ABCA6: variants seen among roughly 807,000 people sequenced by gnomAD.
The protein encoded by ABCA6 is ATP binding cassette subfamily A member 6.
In ABCA6, 164 loss-of-function variants were observed where a neutral mutation model predicts 191.2. The ratio of observed to expected loss-of-function variants is 0.86; its 90% CI spans 0.76 to 0.98. The LOEUF (loss-of-function observed/expected upper bound fraction) is 0.98. ABCA6 is among the 50% of genes least tolerant of loss of function. ABCA6 has a pLI of 0.00. For synonymous variants in ABCA6, 636 were observed against 647.7 expected (o/e 0.98, Z 0.27); for missense variants, 1,958 against 1,894.1 (o/e 1.03, Z -0.63).
In ABCA6 at chr17:69,086,691, G is replaced by A. The variant is rs934813311; in HGVS notation, c.3864C>T (p.Gly1288=). The A allele has an allele frequency of 6.2e-7, 1 of 1,611,932 alleles. No homozygotes were observed. The highest frequency in any genetic ancestry group is 1.7e-5 in the Admixed American group (1 of 59,912). ...IASCLHKEYA[G]QKKSCFSKRK... is the part of the protein sequence containing the mutation. The stretch of plus-strand genomic sequence containing the variant: ...TCTTTGAAAAGCAACTTTTCTTCTG[G>A]CCTGCATATTCTTTGTGTAGACAGC... The change falls in exon 30 of 39, where the codon GGC becomes GGT. Residue 1288 remains glycine, a synonymous_variant. Transcript: ENST00000284425.
At chr17:69,084,212 A>C in intron 34 of ABCA6, 49 bp downstream of exon 34, 1 of 1,561,794 alleles carries the variant, frequency 6.4e-7, no homozygotes, top group South Asian at 1.1e-5. Flanking sequence ...AAAATATGCA[A>C]CCTTCCCTAA....
chr17:69,097,074 T>TA (rs1191492985), intron 23 of ABCA6, among the ~76,000 whole-genome samples: 1 of 152,164 alleles, frequency 6.6e-6, no homozygotes, highest in African/African-American at 2.4e-5. Flanking sequence ...GTGGACCTCA[T>TA]AATGTTCAAG....
intron 11 of ABCA6, 21 bp from the exon 12 acceptor site, chr17:69,115,507 T>C: frequency 6.3e-7 from 1 of 1,577,046 alleles, no homozygotes; most frequent in South Asian, 1.1e-5. Flanking sequence ...AACAAATTGT[T>C]AACAAATTAT....
rs560409942 is a variant in ABCA6, at chr17:69,100,546, T to C, written c.3012+251A>G. ...TCTCATACACTTCCACAATCAAGTA[T>C]GTACAACTTTTCAAAACATTGCCTA... On this transcript the variant is annotated intron_variant, in intron 22 of 38. Coordinates refer to ENST00000284425, the MANE Select transcript of ABCA6 (RefSeq NM_080284.3). Among the ~76,000 whole-genome samples, 10 of 152,320 alleles carry C rather than the reference T, an allele frequency of 6.6e-5. No homozygotes were observed. In the South Asian group the frequency reaches 1.7e-3, roughly 25 times the overall value.
In ABCA6 at chr17:69,086,834, T is replaced by G. The variant is rs188896488; in HGVS notation, c.3820-99A>C. The G allele has an allele frequency of 1.1e-5, 8 of 706,040 alleles. No individual in the cohort carries two copies. In the African/African-American group the frequency reaches 1.5e-4, roughly 13 times the overall value. 43.7% of individuals were successfully genotyped at this position (706,040 alleles called of 1,614,324 possible). ...TTATGTCATAAGCCAAACCATATTT[T>G]GAGTTGAGAGTAATTCATGCTGCTA... On this transcript the variant is annotated intron_variant, in intron 29 of 38. Coordinates refer to ENST00000284425, the MANE Select transcript of ABCA6 (RefSeq NM_080284.3).
Position 69,084,464 on chromosome 17 carries a change from CA to C in ABCA6, c.4227del (p.Val1410CysfsTer4), listed in dbSNP as rs761126890. 3 of 1,614,056 alleles carry C rather than the reference CA, an allele frequency of 1.9e-6. No homozygotes were observed. The highest frequency in any genetic ancestry group is 2.5e-6 in the Non-Finnish European group (3 of 1,180,042). ...GTGATTCCTGCTGTTAATTTCTGCA[CA>C]GGAACATTCAGCTGCTCATGCAGTT... Reference protein sequence around the residue: ...AFKLHEQLNVPVQKLTAGITR... With the variant: ...AFKLHEQLNVXVQKLTAGITR... On this transcript the variant is annotated frameshift_variant, in exon 33 of 39. Coordinates refer to ENST00000284425, the MANE Select transcript of ABCA6 (RefSeq NM_080284.3). LOFTEE classifies it high-confidence loss of function.
At chr17:69,096,964 T>C (rs1011859443) in intron 23 of ABCA6, among the ~76,000 whole-genome samples, 163 bp from the exon 24 acceptor site, 3 of 152,234 alleles carry the variant, frequency 2.0e-5, no homozygotes, top group South Asian at 2.1e-4. Flanking sequence ...ATGAGGCTTA[T>C]AGAGCCAGTT....
rs578108703 is a variant in ABCA6 at position 69,134,001 on chromosome 17, C to T, written c.565-134G>A. 5.7e-5 allele frequency: 33 copies of T among 575,608 alleles called. No homozygotes were observed. The African/African-American group carries it at 6.2e-4, about 11-fold the overall frequency. 35.7% of individuals were successfully genotyped at this position (575,608 alleles called of 1,614,324 possible). On this transcript the variant is annotated intron_variant, in intron 5 of 38. Transcript: ENST00000284425. ...TGTACTGTAGTTATGCAAGATGTTC[C>T]CAGTAAAGGCAACTGGATGAAGGGT...
rs1009836101 is a variant in ABCA6, at chr17:69,123,249, C to G, written c.1426G>C (p.Glu476Gln). Reference protein sequence around the residue: ...EPVAPEFQGKEAIRIRNVKKE... With the variant: ...EPVAPEFQGKQAIRIRNVKKE... Reference sequence around the variant, plus strand: ...TATAAGTGTGATTACCTGATGGCTTCTTTTCCTTGGAATTCAGGAGCTACT... The same window carrying G: ...TATAAGTGTGATTACCTGATGGCTTGTTTTCCTTGGAATTCAGGAGCTACT... The change falls in exon 10 of 39, where the codon GAA (glutamate) becomes CAA (glutamine). Residue 476 changes from glutamate (E) to glutamine (Q), a missense_variant. Glu to Gln is a conservative substitution (Grantham distance 29). Transcript: ENST00000284425. 4.7e-6 allele frequency: 7 copies of G among 1,486,980 alleles called. No individual in the cohort carries two copies. Among genetic ancestry groups the G allele is most frequent in the Non-Finnish European group, 5.4e-6 (6 of 1,106,728 alleles). The allele number at this position is 1,486,980 out of a possible 1,614,324, so 92.1% of individuals were successfully genotyped here.
At chr17:69,100,352 TAAA>T (rs10581075) in intron 22 of ABCA6, among the ~76,000 whole-genome samples, 119,854 of 151,884 alleles carry the variant, frequency 0.79, 50,619 homozygotes, top group Non-Finnish European at 0.94. Context: ...GGTGAATAAA[TAAA>T]TCAACAGATA....
chr17:69,089,394 C>G (rs1402345786), intron 27 of ABCA6, 71 bp downstream of exon 27: 1 of 1,419,620 alleles, frequency 7.0e-7, no homozygotes, highest in African/African-American at 1.4e-5. Flanking sequence ...ACACTTTGGA[C>G]AAGATCAAAT....
intron 15 of ABCA6, chr17:69,112,592 G>A: frequency 4.0e-6 from 1 of 250,884 alleles, no homozygotes. Flanking sequence ...TTATCAGTGA[G>A]AGCTAAAAAA....
At chr17:69,087,136 T>C (rs1324880633) in intron 29 of ABCA6, among the ~76,000 whole-genome samples, 1 of 152,228 alleles carries the variant, frequency 6.6e-6, no homozygotes, top group Non-Finnish European at 1.5e-5. Flanking sequence ...AAAGAAAAAT[T>C]AAAACCATTA....
intron 37 of ABCA6, 58 bp from the exon 38 acceptor site, chr17:69,079,323 T>A: frequency 7.1e-7 from 1 of 1,400,592 alleles, no homozygotes; most frequent in East Asian, 2.4e-5. Flanking sequence ...TTACCAAGAA[T>A]TTTTTCAAAA....
In ABCA6 at chr17:69,100,780, G is replaced by A. The variant is rs1468412242; in HGVS notation, c.3012+17C>T. 6.3e-7 allele frequency: 1 copy of A among 1,598,192 alleles called. No homozygotes were observed. The highest frequency in any genetic ancestry group is 8.5e-7 in the Non-Finnish European group (1 of 1,173,510). ...TCCAATTCTTAATTGTTTAGACTCA[G>A]TAAATCCAATACTTACAAGAGGAAA... On this transcript the variant is annotated intron_variant, in intron 22 of 38. Coordinates refer to ENST00000284425, the MANE Select transcript of ABCA6 (RefSeq NM_080284.3).
intron 17 of ABCA6, chr17:69,109,304 GT>G (rs1237740939): frequency 1.3e-5 from 2 of 152,076 alleles, no homozygotes; most frequent in Admixed American, 6.6e-5. Flanking sequence ...AGAAAGAACA[GT>G]TGTGAGAACT....
In ABCA6 at chr17:69,084,313, G is replaced by A; in HGVS notation, c.4303C>T (p.Leu1435Phe). The stretch of plus-strand genomic sequence containing the variant: ...ATGCCCGTAGATGGTTCATCCAGGA[G>A]CAAGACAGGTGAGTTTCCCAGGAGG... ...LSLLGNSPVL[L>F]LDEPSTGIDP... Residue 1435 changes from leucine to phenylalanine, a missense_variant, in exon 34 of 39, where the codon CTC becomes TTC. Coordinates refer to ENST00000284425, the MANE Select transcript of ABCA6 (RefSeq NM_080284.3). The A allele has an allele frequency of 1.2e-6, 2 of 1,614,176 alleles. No individual in the cohort carries two copies. The highest frequency in any genetic ancestry group is 1.7e-6 in the Non-Finnish European group (2 of 1,180,014).
At chr17:69,087,599 C>T in intron 28 of ABCA6, 126 bp from the exon 29 acceptor site, 1 of 1,274,130 alleles carries the variant, frequency 7.8e-7, no homozygotes, top group South Asian at 1.4e-5. Context: ...GTGATGATGA[C>T]TGTCAATATT....
intron 22 of ABCA6, among the ~76,000 whole-genome samples, chr17:69,099,232 C>T (rs993851958): frequency 6.6e-6 from 1 of 152,192 alleles, no homozygotes; most frequent in Non-Finnish European, 1.5e-5. Context: ...GATATAATTA[C>T]AGGATAACAG....
Sources: gnomAD v4.1 joint callset for allele counts (sites outside exome capture counted in the v4.1 genomes callset) on GRCh38, gnomAD v4.1.1 for gene constraint, MANE v1.5 for transcripts, NCBI Gene and HGNC (gene_info 2026-07-23, HGNC 2026-07-21) for gene names.